The following QTMAN variants were observed in gnomAD, a reference collection of about 807,000 sequenced individuals.
QTMAN encodes the protein tRNA-queuosine alpha-mannosyltransferase.
the QTMAN span, among the ~76,000 whole-genome samples, chr2:144,149,880 G>C: frequency 1.3e-5 from 2 of 152,020 alleles, no homozygotes; most frequent in African/African-American, 2.4e-5. Context: ...AAAAAGAAAA[G>C]CTGAAATATA....
chr2:144,141,764 T>C, the QTMAN span: 15 of 696,042 alleles, frequency 2.2e-5, no homozygotes, highest in Admixed American at 3.5e-4. Context: ...TAGAACTTAA[T>C]TCTCTAACTA....
chr2:144,119,347 A>G, the QTMAN span, among the ~76,000 whole-genome samples: 2 of 152,212 alleles, frequency 1.3e-5, no homozygotes, highest in Non-Finnish European at 2.9e-5. Context: ...TTGCCTTTCT[A>G]AAATACAAGT....
the QTMAN span, among the ~76,000 whole-genome samples, chr2:144,104,621 G>C: frequency 2.0e-5 from 3 of 152,198 alleles, no homozygotes; most frequent in Non-Finnish European, 4.4e-5. Context: ...AGCTCGAACT[G>C]GGTGGAGCCC....
At chr2:144,029,256 A>T in the QTMAN span, among the ~76,000 whole-genome samples, 40 of 152,288 alleles carry the variant, frequency 2.6e-4, no homozygotes, top group African/African-American at 9.4e-4. Context: ...AGCCTAGACA[A>T]AGTGGTTGCT....
chr2:144,156,331 C>A, the QTMAN span, among the ~76,000 whole-genome samples: 29 of 152,062 alleles, frequency 1.9e-4, no homozygotes, highest in Admixed American at 1.9e-3. Flanking sequence ...AAGGGTACCA[C>A]TGAATAATTA....
chr2:144,072,201 T>C, the QTMAN span, among the ~76,000 whole-genome samples: 1 of 152,176 alleles, frequency 6.6e-6, no homozygotes, highest in African/African-American at 2.4e-5. Context: ...TCAGTCAGTT[T>C]TATGTGGAGG....
the QTMAN span, among the ~76,000 whole-genome samples, chr2:144,125,581 A>T: frequency 6.6e-6 from 1 of 152,056 alleles, no homozygotes; most frequent in Non-Finnish European, 1.5e-5. Context: ...TATAATTTGT[A>T]ACCATTCTCA....
At chr2:144,027,108 T>C in the QTMAN span, among the ~76,000 whole-genome samples, 1 of 152,324 alleles carries the variant, frequency 6.6e-6, no homozygotes, top group South Asian at 2.1e-4. Context: ...CCTGAGCTAT[T>C]GGATAGGCAA....
chr2:144,032,827 G>C, the QTMAN span, among the ~76,000 whole-genome samples: 2 of 152,150 alleles, frequency 1.3e-5, no homozygotes, highest in Non-Finnish European at 2.9e-5. Flanking sequence ...ACTTAAATCA[G>C]ACAAACTGGG....
chr2:144,250,767 A>C, the QTMAN span, among the ~76,000 whole-genome samples: 18 of 151,774 alleles, frequency 1.2e-4, no homozygotes, highest in African/African-American at 3.9e-4. Flanking sequence ...AAAAAAAAAA[A>C]AAAAACCTGT....
the QTMAN span, among the ~76,000 whole-genome samples, chr2:143,997,507 C>T: frequency 1.2e-4 from 19 of 152,038 alleles, no homozygotes; most frequent in East Asian, 1.9e-4. Context: ...GCTTATACTC[C>T]GCTCCTTAGG....
At chr2:144,007,175 G>C in the QTMAN span, 1 of 1,543,982 alleles carries the variant, frequency 6.5e-7, no homozygotes, top group East Asian at 2.3e-5. Flanking sequence ...GGCATGCCTT[G>C]ACTTACCACC....
chr2:144,303,136 T>C, the QTMAN span, among the ~76,000 whole-genome samples: 1 of 151,770 alleles, frequency 6.6e-6, no homozygotes, highest in Non-Finnish European at 1.5e-5. Context: ...AGCACCACAA[T>C]AAAGAAATGA....
chr2:144,007,103 AATT>A, the QTMAN span: 2 of 873,222 alleles, frequency 2.3e-6, no homozygotes, highest in Non-Finnish European at 3.5e-6. Context: ...AAGAAGAACA[AATT>A]ATTATGTCAA....
the QTMAN span, among the ~76,000 whole-genome samples, chr2:144,328,000 G>A: frequency 9.9e-5 from 15 of 152,132 alleles, 1 homozygote; most frequent in Admixed American, 2.6e-4. Flanking sequence ...CACCCAGGCC[G>A]GCGTGCAGTG....
the QTMAN span, among the ~76,000 whole-genome samples, chr2:143,993,313 T>C: frequency 1.8e-4 from 28 of 151,884 alleles, no homozygotes; most frequent in Non-Finnish European, 3.4e-4. Flanking sequence ...TGATTGCACA[T>C]GGTGCTTGCA....
At chr2:144,118,147 T>C in the QTMAN span, among the ~76,000 whole-genome samples, 1 of 151,976 alleles carries the variant, frequency 6.6e-6, no homozygotes, top group African/African-American at 2.4e-5. Flanking sequence ...TGCAGTACAC[T>C]AACATTTTTA....
chr2:144,101,696 T>C, the QTMAN span, among the ~76,000 whole-genome samples: 1 of 152,000 alleles, frequency 6.6e-6, no homozygotes, highest in Non-Finnish European at 1.5e-5. Flanking sequence ...TAAATAAATA[T>C]ATATAATATC....
chr2:144,320,207 T>C, the QTMAN span, among the ~76,000 whole-genome samples: 9 of 152,326 alleles, frequency 5.9e-5, no homozygotes, highest in African/African-American at 2.2e-4. Context: ...TACAGCTACT[T>C]TCAGGCTATA....
Sources: allele counts gnomAD v4.1 joint callset (sites outside exome capture counted in the v4.1 genomes callset), GRCh38; gene constraint gnomAD v4.1.1; transcripts MANE v1.5; gene names NCBI Gene and HGNC (gene_info 2026-07-23, HGNC 2026-07-21).